The following SPON1 variants were observed in gnomAD, a reference collection of about 807,000 sequenced individuals.
The protein encoded by SPON1 is spondin-1.
SPON1 carries 52 observed loss-of-function variants against 111.7 expected under a neutral mutation model. The ratio of observed to expected loss-of-function variants is 0.47; its 90% confidence interval spans 0.37 to 0.59. SPON1 has a LOEUF of 0.59. Among genes scored for constraint, SPON1 ranks in the 20% least tolerant of loss-of-function variants. SPON1 has a pLI of 0.00. For synonymous variants in SPON1, 410 were observed against 395.8 expected, an observed-to-expected ratio of 1.04 and a Z score of -0.43; for missense variants, 957 against 1,068.5, an observed-to-expected ratio of 0.90 and a Z score of 1.46.
intron 6 of SPON1, chr11:14,224,731 C>A: frequency 2.0e-6 from 1 of 502,574 alleles, no homozygotes; most frequent in Non-Finnish European, 4.0e-6. Context: ...ATAAAGGATA[C>A]ACATAAGGGT....
intron 5 of SPON1, among the ~76,000 whole-genome samples, 157 bp downstream of exon 5, chr11:14,080,178 C>G (rs913480352): frequency 1.3e-5 from 2 of 152,116 alleles, no homozygotes; most frequent in East Asian, 3.9e-4. Flanking sequence ...TCAAGACAGG[C>G]AGACATTATA....
intron 6 of SPON1, among the ~76,000 whole-genome samples, chr11:14,160,582 TTTACA>T (rs1847912163): frequency 3.8e-5 from 1 of 26,138 alleles, no homozygotes; most frequent in African/African-American, 1.4e-4. Context: ...TATATATATA[TTTACA>T]TATATATATT....
At chr11:14,233,758 CTTTTTTTTTT>C (rs10610600) in intron 6 of SPON1, among the ~76,000 whole-genome samples, 3 of 96,850 alleles carry the variant, frequency 3.1e-5, no homozygotes, top group African/African-American at 1.2e-4. Flanking sequence ...GTTTCTTTTT[CTTTTTTTTTT>C]TTTTTTTTTT....
At chr11:14,037,090 G>T (rs1158384892) in intron 2 of SPON1, among the ~76,000 whole-genome samples, 1 of 152,086 alleles carries the variant, frequency 6.6e-6, no homozygotes, top group Non-Finnish European at 1.5e-5. Context: ...GAAGAGTTAA[G>T]TAAGGTCTCA....
chr11:13,985,553 TGAC>T, intron 2 of SPON1, among the ~76,000 whole-genome samples: 1 of 152,336 alleles, frequency 6.6e-6, no homozygotes, highest in Admixed American at 6.5e-5. Flanking sequence ...TACCTGCCTG[TGAC>T]CACTGTGTAT....
intron 3 of SPON1, among the ~76,000 whole-genome samples, chr11:14,057,840 AAAAC>A (rs1458489625): frequency 6.7e-6 from 1 of 150,148 alleles, no homozygotes; most frequent in Admixed American, 6.6e-5. Flanking sequence ...ACAAAAAAAA[AAAAC>A]AAAACAAAAA....
intron 5 of SPON1, among the ~76,000 whole-genome samples, chr11:14,096,132 C>G (rs1331127624): frequency 3.3e-5 from 5 of 152,202 alleles, no homozygotes; most frequent in Non-Finnish European, 5.9e-5. Context: ...TCTTCTTTAC[C>G]CTTTTTCTCT....
chr11:14,094,483 G>T (rs1429712093), intron 5 of SPON1, among the ~76,000 whole-genome samples: 1 of 151,936 alleles, frequency 6.6e-6, no homozygotes, highest in Non-Finnish European at 1.5e-5. Context: ...ATTTTATTTA[G>T]TAATAATTTA....
At chr11:14,257,981 G>A in intron 11 of SPON1, 83 bp downstream of exon 11, 1 of 1,336,250 alleles carries the variant, frequency 7.5e-7, no homozygotes. Flanking sequence ...AGTGTCCCTG[G>A]TGAGGGCACA....
intron 3 of SPON1, among the ~76,000 whole-genome samples, chr11:14,054,674 T>C (rs1848731487): frequency 6.7e-6 from 1 of 150,366 alleles, no homozygotes; most frequent in Non-Finnish European, 1.5e-5. Context: ...CAGAAGAAAA[T>C]CAAAAATCAA....
chr11:14,260,365 CG>C (rs200961190), intron 13 of SPON1, among the ~76,000 whole-genome samples: 11 of 151,534 alleles, frequency 7.3e-5, no homozygotes, highest in South Asian at 2.1e-4. Context: ...TCATAACCAT[CG>C]GGGGGGGTCA....
At chr11:14,122,933 A>ATTT (rs34948884) in intron 5 of SPON1, among the ~76,000 whole-genome samples, 24,422 of 132,396 alleles carry the variant, frequency 0.18, 2,473 homozygotes, top group Admixed American at 0.23. Flanking sequence ...TGCTCTTGTA[A>ATTT]TTTTTTTTTT....
At chr11:14,230,761 CTCTT>C (rs1554938604) in intron 6 of SPON1, among the ~76,000 whole-genome samples, 1 of 118,052 alleles carries the variant, frequency 8.5e-6, no homozygotes, top group African/African-American at 3.4e-5. Flanking sequence ...CTTTCTCTCT[CTCTT>C]TCCTTCCTTC....
intron 5 of SPON1, among the ~76,000 whole-genome samples, chr11:14,123,901 T>G (rs903605617): frequency 2.2e-4 from 33 of 152,356 alleles, no homozygotes; most frequent in African/African-American, 7.9e-4. Context: ...CTTTGCGGTC[T>G]GTTTTCCAAC....
chr11:13,962,802 C>T lies in SPON1; in HGVS notation c.-103C>T, dbSNP rs1847982821. On this transcript the variant is annotated 5_prime_UTR_variant, in exon 1 of 16. Coordinates refer to ENST00000576479, the MANE Select transcript of SPON1 (RefSeq NM_006108.4). ...CGGACGCCAGCTCCGAGCTCCCTCT[C>T]TCCGCCGCGCCTCCGCCAGGTCGCG... is the stretch of plus-strand genomic sequence containing the variant. 1.8e-6 allele frequency: 2 copies of T among 1,135,448 alleles called. No individual in the cohort carries two copies. Among genetic ancestry groups the T allele is most frequent in the Admixed American group, 3.6e-5 (1 of 28,020 alleles). The allele number at this position is 1,135,448 out of a possible 1,614,324, so 70.3% of individuals were successfully genotyped here. A position where few individuals can be genotyped will look rare whatever the true frequency, so the allele number is the denominator to read the frequency against.
rs1848455838 is a variant in SPON1, at chr11:14,200,974, T to G, written c.826-42358T>G. ...TTGAATCCCTCTTGGCCACTTAGTA[T>G]CTGCATGGCTTTGGCAAGTTACCTA... On this transcript the variant is annotated intron_variant, in intron 6 of 15. Transcript: ENST00000576479. Among the ~76,000 whole-genome samples, 6 of 152,116 alleles carry G rather than the reference T, an allele frequency of 3.9e-5. No homozygotes were observed. The South Asian group carries it at 1.3e-3, about 32-fold the overall frequency.
intron 6 of SPON1, among the ~76,000 whole-genome samples, chr11:14,235,116 C>T (rs1848848624): frequency 6.6e-6 from 1 of 152,210 alleles, no homozygotes; most frequent in Non-Finnish European, 1.5e-5. Flanking sequence ...GGGACTCTCA[C>T]TGCTCCTCCA....
In SPON1 at chr11:13,971,020, C is replaced by G. The variant is rs369519779; in HGVS notation, c.238+7878C>G. Among the ~76,000 whole-genome samples, 9 of 152,166 alleles carry G rather than the reference C, an allele frequency of 5.9e-5. No homozygotes were observed. In the East Asian group the frequency reaches 1.7e-3, roughly 29 times the overall value. On this transcript the variant is annotated intron_variant, in intron 1 of 15. Coordinates refer to ENST00000576479, the MANE Select transcript of SPON1 (RefSeq NM_006108.4). ...TGAAAAAAATAAAGTATCATTGAAG[C>G]CCCAAGAACCCTGGTGTGAGCTCTC... is the stretch of plus-strand genomic sequence containing the variant.
At chr11:14,034,070 A>G (rs1848577298) in intron 2 of SPON1, among the ~76,000 whole-genome samples, 4 of 152,218 alleles carry the variant, frequency 2.6e-5, no homozygotes, top group Admixed American at 6.5e-5. Context: ...CAAGCTACTC[A>G]GGAGGCTGAA....
Sources: allele counts gnomAD v4.1 joint callset (sites outside exome capture counted in the v4.1 genomes callset), GRCh38; gene constraint gnomAD v4.1.1; transcripts MANE v1.5; gene names NCBI Gene and HGNC (gene_info 2026-07-23, HGNC 2026-07-21).